Variants in RIGI observed in about 807,000 individuals in gnomAD.
RIGI encodes RNA sensor RIG-I, also known as antiviral innate immune response receptor RIG-I.
the RIGI span, among the ~76,000 whole-genome samples, chr9:32,460,044 TGGG>T: frequency 6.6e-6 from 1 of 152,180 alleles, no homozygotes; most frequent in Admixed American, 6.5e-5. Flanking sequence ...AATTGAATCA[TGGG>T]GGGCCAGTCT....
At chr9:32,523,587 T>C in the RIGI span, among the ~76,000 whole-genome samples, 1 of 152,222 alleles carries the variant, frequency 6.6e-6, no homozygotes, top group East Asian at 1.9e-4. Context: ...ACCTATTGAT[T>C]ATACTTTCCA....
At chr9:32,491,263 G>T in the RIGI span, 2 of 1,607,600 alleles carry the variant, frequency 1.2e-6, no homozygotes, top group South Asian at 2.2e-5. Flanking sequence ...AATACCAGAA[G>T]AGCACCATTA....
the RIGI span, among the ~76,000 whole-genome samples, chr9:32,524,244 C>T: frequency 6.6e-6 from 1 of 152,160 alleles, no homozygotes; most frequent in Non-Finnish European, 1.5e-5. Flanking sequence ...TTCAATGACA[C>T]TATTAGGTAA....
At chr9:32,459,484 T>A in the RIGI span, 3 of 1,612,288 alleles carry the variant, frequency 1.9e-6, no homozygotes, top group African/African-American at 4.0e-5. Context: ...CTATCTCTGA[T>A]GAATTTTTCA....
chr9:32,507,012 A>G, the RIGI span, among the ~76,000 whole-genome samples: 92,415 of 152,070 alleles, frequency 0.61, 28,352 homozygotes, highest in Middle Eastern at 0.68. Context: ...ATTCTGCTAG[A>G]AGTTACTCAA....
chr9:32,483,004 G>C, the RIGI span, among the ~76,000 whole-genome samples: 1 of 152,096 alleles, frequency 6.6e-6, no homozygotes, highest in Non-Finnish European at 1.5e-5. Flanking sequence ...ACATGCATCT[G>C]TCTGTGTGCA....
chr9:32,485,088 G>T, the RIGI span: 2 of 973,064 alleles, frequency 2.1e-6, no homozygotes, highest in South Asian at 1.6e-5. Context: ...GACATTGTCT[G>T]AACTAAGGAG....
chr9:32,522,771 G>T, the RIGI span, among the ~76,000 whole-genome samples: 1 of 152,172 alleles, frequency 6.6e-6, no homozygotes, highest in East Asian at 1.9e-4. Context: ...GAAGCTGCCA[G>T]AAAGATTGAG....
the RIGI span, among the ~76,000 whole-genome samples, chr9:32,484,058 G>A: frequency 1.3e-5 from 2 of 152,108 alleles, no homozygotes; most frequent in Non-Finnish European, 2.9e-5. Flanking sequence ...GAACACATTC[G>A]GGAAACTGCT....
the RIGI span, chr9:32,485,307 G>A: frequency 5.9e-4 from 850 of 1,436,474 alleles, 5 homozygotes; most frequent in African/African-American, 0.011. Flanking sequence ...AAAAGAAAAA[G>A]AAAAAAAGAG....
At chr9:32,511,607 T>C in the RIGI span, among the ~76,000 whole-genome samples, 4 of 151,694 alleles carry the variant, frequency 2.6e-5, no homozygotes, top group Middle Eastern at 3.2e-3. Flanking sequence ...TTTATAGCAC[T>C]AAATGCCCAC....
chr9:32,477,138 A>G, the RIGI span: 2 of 1,611,836 alleles, frequency 1.2e-6, no homozygotes, highest in African/African-American at 2.7e-5. Context: ...TTTTCTGCAA[A>G]TGGGAAACAT....
At chr9:32,495,352 C>T in the RIGI span, among the ~76,000 whole-genome samples, 1 of 151,578 alleles carries the variant, frequency 6.6e-6, no homozygotes, top group Non-Finnish European at 1.5e-5. Flanking sequence ...CAGGCACCCG[C>T]CACCGCACCC....
At chr9:32,499,383 A>G in the RIGI span, among the ~76,000 whole-genome samples, 1 of 145,480 alleles carries the variant, frequency 6.9e-6, no homozygotes, top group Non-Finnish European at 1.5e-5. Flanking sequence ...AGGAATACAA[A>G]TGTATTTATT....
chr9:32,487,071 A>G, the RIGI span, among the ~76,000 whole-genome samples: 39 of 152,246 alleles, frequency 2.6e-4, no homozygotes, highest in African/African-American at 9.2e-4. Flanking sequence ...ATGAATTCAG[A>G]TCATTCCATT....
chr9:32,508,943 G>C, the RIGI span, among the ~76,000 whole-genome samples: 2 of 152,160 alleles, frequency 1.3e-5, no homozygotes, highest in Non-Finnish European at 2.9e-5. Flanking sequence ...ACTGAGGCTT[G>C]AGTAGGCCCT....
At chr9:32,457,829 T>C in the RIGI span, among the ~76,000 whole-genome samples, 9 of 152,204 alleles carry the variant, frequency 5.9e-5, no homozygotes, top group South Asian at 6.2e-4. Flanking sequence ...CAAGATGCAA[T>C]TGAAGAAGGT....
the RIGI span, among the ~76,000 whole-genome samples, chr9:32,505,249 T>C: frequency 6.6e-6 from 1 of 151,778 alleles, no homozygotes; most frequent in Non-Finnish European, 1.5e-5. Flanking sequence ...ATGCACATTA[T>C]AAAGTAAAAA....
At chr9:32,472,020 T>TG in the RIGI span, among the ~76,000 whole-genome samples, 1 of 151,210 alleles carries the variant, frequency 6.6e-6, no homozygotes, top group Admixed American at 6.6e-5. Flanking sequence ...CACTGAGGGG[T>TG]GGGGGGCACA....
Sources: allele counts gnomAD v4.1 joint callset (sites outside exome capture counted in the v4.1 genomes callset), GRCh38; gene constraint gnomAD v4.1.1; transcripts MANE v1.5; gene names NCBI Gene and HGNC (gene_info 2026-07-23, HGNC 2026-07-21).